SHANK2: variants seen among roughly 807,000 people sequenced by gnomAD.
The protein encoded by SHANK2 is SH3 and multiple ankyrin repeat domains 2.
SHANK2 carries 43 observed loss-of-function variants against 133.7 expected under a neutral mutation model. The observed-to-expected ratio is 0.32, with a 90% confidence interval of 0.25 to 0.41. SHANK2 has a LOEUF of 0.41. Among genes scored for constraint, SHANK2 ranks in the 10% least tolerant of loss-of-function variants. The pLI is 1.00. For synonymous variants in SHANK2, 1,017 were observed against 952.8 expected (o/e 1.07, Z -1.24); for missense variants, 1,994 against 2,235.8 (o/e 0.89, Z 2.18).
intron 14 of SHANK2, among the ~76,000 whole-genome samples, chr11:70,710,103 A>G: frequency 6.6e-6 from 1 of 152,128 alleles, no homozygotes; most frequent in East Asian, 1.9e-4. Context: ...CCACCTTTGC[A>G]CTGAAAACCC....
intron 1 of SHANK2, among the ~76,000 whole-genome samples, chr11:71,228,319 G>C (rs1272989954): frequency 1.3e-5 from 2 of 152,168 alleles, no homozygotes; most frequent in African/African-American, 4.8e-5. Context: ...GAGTTCACTG[G>C]AGAATTCTAT....
chr11:71,055,793 G>T (rs2135915936), intron 10 of SHANK2, among the ~76,000 whole-genome samples: 1 of 142,566 alleles, frequency 7.0e-6, no homozygotes, highest in South Asian at 2.4e-4. Flanking sequence ...GGGGGAGGGG[G>T]AGTGGGGAGT....
chr11:70,715,605 A>T (rs1213004556), intron 14 of SHANK2, among the ~76,000 whole-genome samples: 8 of 152,128 alleles, frequency 5.3e-5, no homozygotes, highest in African/African-American at 9.7e-5. Flanking sequence ...AGAATGTTTT[A>T]AAAAAAATCA....
chr11:70,866,186 C>T (rs1414272139), intron 11 of SHANK2, among the ~76,000 whole-genome samples: 2 of 152,204 alleles, frequency 1.3e-5, no homozygotes, highest in African/African-American at 2.4e-5. Context: ...TCTACACCCT[C>T]CTGGTGAGAC....
chr11:71,083,286 A>AT (rs1951326145), intron 8 of SHANK2, among the ~76,000 whole-genome samples: 1 of 151,922 alleles, frequency 6.6e-6, no homozygotes, highest in Admixed American at 6.5e-5. Flanking sequence ...TGGCCACATG[A>AT]TGATGACAAT....
chr11:70,508,708 T>C (rs1480237818), intron 17 of SHANK2, among the ~76,000 whole-genome samples: 2 of 152,070 alleles, frequency 1.3e-5, no homozygotes, highest in East Asian at 1.9e-4. Flanking sequence ...CTGGGCAACA[T>C]AGTGAGACCC....
At chr11:71,231,566 C>T (rs555506588) in intron 1 of SHANK2, among the ~76,000 whole-genome samples, 1 of 152,330 alleles carries the variant, frequency 6.6e-6, no homozygotes, top group Admixed American at 6.5e-5. Flanking sequence ...AACCACACTC[C>T]TAGGCATTCG....
intron 1 of SHANK2, among the ~76,000 whole-genome samples, chr11:71,237,164 C>G (rs1954835355): frequency 6.6e-6 from 1 of 152,184 alleles, no homozygotes; most frequent in Admixed American, 6.5e-5. Context: ...TCCTGAAGCT[C>G]CCCCTCTTGC....
chr11:71,064,611 A>G (rs954477875), intron 9 of SHANK2, among the ~76,000 whole-genome samples: 2 of 151,220 alleles, frequency 1.3e-5, no homozygotes, highest in Non-Finnish European at 2.9e-5. Flanking sequence ...TGGTGAATAC[A>G]TAGTCCCAGG....
intron 11 of SHANK2, among the ~76,000 whole-genome samples, chr11:70,885,838 C>T (rs191326657): frequency 5.3e-4 from 81 of 152,320 alleles, no homozygotes; most frequent in African/African-American, 1.8e-3. Flanking sequence ...CAACCCAACA[C>T]GCTGGCCACC....
At chr11:71,143,788 C>T (rs558029295) in intron 3 of SHANK2, among the ~76,000 whole-genome samples, 3 of 152,106 alleles carry the variant, frequency 2.0e-5, no homozygotes, top group South Asian at 2.1e-4. Flanking sequence ...AGTAAGATTC[C>T]GTATTGACCT....
chr11:70,489,245 G>C, intron 24 of SHANK2, 83 bp downstream of exon 24: 3 of 1,351,406 alleles, frequency 2.2e-6, no homozygotes, highest in Non-Finnish European at 3.2e-6. Flanking sequence ...CTGTTCCCAA[G>C]GAGTACTAAT....
At chr11:70,945,325 G>A (rs1392776587) in intron 10 of SHANK2, among the ~76,000 whole-genome samples, 2 of 152,164 alleles carry the variant, frequency 1.3e-5, no homozygotes, top group Non-Finnish European at 2.9e-5. Context: ...GGAGGCCTGG[G>A]AGGCTTGAGC....
rs1374063227 is a variant in SHANK2 at position 70,795,396 on chromosome 11, T to C, written c.1777+3047A>G. The stretch of plus-strand genomic sequence containing the variant: ...GGTTCTTTTCTTTTCTTTTTTCTTT[T>C]CTTTCTTTTTCTTTTTTTTTTTTTT... On this transcript the variant is annotated intron_variant, in intron 14 of 25. Transcript: ENST00000601538. Among the ~76,000 whole-genome samples the C allele has an allele frequency of 4.4e-5, 6 of 134,844 alleles. No individual in the cohort carries two copies. The South Asian group carries it at 1.6e-3, about 35-fold the overall frequency. 88.5% of individuals were successfully genotyped at this position (134,844 alleles called of 152,430 possible).
At chr11:71,060,060 T>C (rs989318737) in intron 9 of SHANK2, among the ~76,000 whole-genome samples, 1 of 152,108 alleles carries the variant, frequency 6.6e-6, no homozygotes, top group Non-Finnish European at 1.5e-5. Flanking sequence ...GCACCCCGAT[T>C]CCAATTAGAA....
At chr11:70,684,125 GA>G (rs1283258370) in intron 15 of SHANK2, among the ~76,000 whole-genome samples, 3 of 152,236 alleles carry the variant, frequency 2.0e-5, no homozygotes, top group African/African-American at 7.2e-5. Context: ...AAGAGAGAGA[GA>G]GAGACCTGGG....
chr11:71,220,430 G>T (rs1342180510), intron 2 of SHANK2, among the ~76,000 whole-genome samples: 1 of 152,096 alleles, frequency 6.6e-6, no homozygotes, highest in African/African-American at 2.4e-5. Flanking sequence ...CTGGGGGTAG[G>T]TATATGCCTG....
intron 2 of SHANK2, among the ~76,000 whole-genome samples, chr11:71,191,278 G>A (rs1247356764): frequency 6.6e-6 from 1 of 152,182 alleles, no homozygotes; most frequent in African/African-American, 2.4e-5. Flanking sequence ...TGTGTGTTAT[G>A]AGGGAGACAG....
intron 15 of SHANK2, among the ~76,000 whole-genome samples, chr11:70,670,047 T>A (rs1377831502): frequency 6.6e-6 from 1 of 152,044 alleles, no homozygotes; most frequent in African/African-American, 2.4e-5. Flanking sequence ...TGGAGCAAGG[T>A]CCATAGAGGT....
Sources: allele counts gnomAD v4.1 joint callset (sites outside exome capture counted in the v4.1 genomes callset), GRCh38; gene constraint gnomAD v4.1.1; transcripts MANE v1.5; gene names NCBI Gene and HGNC (gene_info 2026-07-23, HGNC 2026-07-21).